Variants in LPP observed in about 807,000 individuals in gnomAD.
LPP encodes lipoma-preferred partner.
LPP carries 38 observed loss-of-function variants against 60.4 expected under a neutral mutation model. The ratio of observed to expected loss-of-function variants is 0.63; its 90% confidence interval spans 0.49 to 0.83. LPP has a LOEUF of 0.83. Ranked by LOEUF, LPP falls within the 40% of genes least tolerant of loss-of-function variation. The pLI is 0.00. For missense variants in LPP, 902 were observed against 783.6 expected (o/e 1.15, Z -1.80); for synonymous variants, 328 against 290.8 (o/e 1.13, Z -1.30).
At chr3:188,658,136 G>GATTA (rs370594954) in intron 7 of LPP, among the ~76,000 whole-genome samples, 1 of 151,468 alleles carries the variant, frequency 6.6e-6, no homozygotes, top group Non-Finnish European at 1.5e-5. Context: ...GTTTAGTTTA[G>GATTA]GTTAGTTTAG....
chr3:188,737,070 A>G lies in LPP; in HGVS notation c.1241-23043A>G, dbSNP rs924072958. Among the ~76,000 whole-genome samples the G allele has an allele frequency of 4.7e-4, 71 of 152,248 alleles. 1 individual carries two copies. The highest frequency in any genetic ancestry group is 1.2e-3 in the Admixed American group (19 of 15,292). On this transcript the variant is annotated intron_variant, in intron 8 of 11. Transcript: ENST00000617246. ...AAACACCTTAAAATATAAACGGAGT[A>G]CTTCCCAATAATCAGATTACATGTG...
intron 2 of LPP, among the ~76,000 whole-genome samples, chr3:188,261,618 A>G (rs928165344): frequency 6.6e-6 from 1 of 152,144 alleles, no homozygotes; most frequent in Non-Finnish European, 1.5e-5. Context: ...AGGAAAAACA[A>G]TTCTTGGGAC....
rs999038410 is a variant in LPP, at chr3:188,352,051, C to T, written c.-10+10332C>T. Among the ~76,000 whole-genome samples, 2 of 152,160 alleles carry T rather than the reference C, an allele frequency of 1.3e-5. No individual in the cohort carries two copies. Among genetic ancestry groups the T allele is most frequent in the Admixed American group, 6.5e-5 (1 of 15,280 alleles). ...ACCTCAACGTGTATTATTTCCTCCC[C>T]CCTTGTCATTTTTCTTCTATTACTT... On this transcript the variant is annotated intron_variant, in intron 3 of 11. Transcript: ENST00000617246. The surrounding 1 kb of genome is among the most constrained non-coding windows in gnomAD (Gnocchi z 4.4).
intron 6 of LPP, among the ~76,000 whole-genome samples, chr3:188,526,445 C>T (rs1820604659): frequency 6.6e-6 from 1 of 152,128 alleles, no homozygotes; most frequent in African/African-American, 2.4e-5. Context: ...GTGCCTGCCA[C>T]CACGCCCAGC....
chr3:188,349,989 G>A (rs1037440668), intron 3 of LPP, among the ~76,000 whole-genome samples: 7 of 152,174 alleles, frequency 4.6e-5, no homozygotes, highest in Non-Finnish European at 8.8e-5. Flanking sequence ...AGCTGGTCTA[G>A]TAAAAAGCTT....
Position 188,217,845 on chromosome 3 carries a change from A to G in LPP, c.-189-7560A>G, listed in dbSNP as rs1019196972. ...TGAGCTTTGGGCCAGTGCACAGAGG[A>G]TGGTGGCTTCCTGCCTTTGGCTTCC... On this transcript the variant is annotated intron_variant, in intron 1 of 11. Coordinates refer to ENST00000617246, the MANE Select transcript of LPP (RefSeq NM_001375462.1). This position sits in a 1 kb window ranked among gnomAD's most constrained non-coding sequence, Gnocchi z 4.0. Among the ~76,000 whole-genome samples the G allele has an allele frequency of 6.6e-6, 1 of 152,126 alleles. No individual in the cohort carries two copies. Among genetic ancestry groups the G allele is most frequent in the Non-Finnish European group, 1.5e-5 (1 of 68,016 alleles).
intron 9 of LPP, among the ~76,000 whole-genome samples, chr3:188,847,275 G>A (rs1485669284): frequency 6.6e-6 from 1 of 152,200 alleles, no homozygotes; most frequent in Non-Finnish European, 1.5e-5. Context: ...TGATGTTGCA[G>A]TTGTACTGTC....
In LPP at chr3:188,362,882, A is replaced by G. The variant is rs540976777; in HGVS notation, c.-10+21163A>G. Among the ~76,000 whole-genome samples the G allele has an allele frequency of 2.0e-5, 3 of 152,356 alleles. No individual in the cohort carries two copies. In the East Asian group the frequency reaches 5.8e-4, roughly 29 times the overall value. ...CCTTCCATTTTGATACTTTAAAATA[A>G]TGTAATCTAAGTTCACATCAACTGA... On this transcript the variant is annotated intron_variant, in intron 3 of 11. Coordinates refer to ENST00000617246, the MANE Select transcript of LPP (RefSeq NM_001375462.1).
chr3:188,355,285 G>A (rs1240501431), intron 3 of LPP, among the ~76,000 whole-genome samples: 1 of 152,148 alleles, frequency 6.6e-6, no homozygotes, highest in Admixed American at 6.5e-5. Flanking sequence ...GGGATTACAG[G>A]CGTGAGCCAC....
chr3:188,415,680 C>T (rs1217429833), intron 4 of LPP, among the ~76,000 whole-genome samples: 2 of 147,564 alleles, frequency 1.4e-5, no homozygotes, highest in South Asian at 2.1e-4. Flanking sequence ...AAAACTGTCT[C>T]GAAAGGTTAC....
intron 7 of LPP, among the ~76,000 whole-genome samples, chr3:188,700,105 G>A (rs1864088887): frequency 6.6e-6 from 1 of 152,102 alleles, no homozygotes; most frequent in African/African-American, 2.4e-5. Flanking sequence ...GGAACCTCTT[G>A]TACATCACTA....
At chr3:188,153,127 A>C (rs1715055199), upstream of LPP, 1 of 152,232 alleles carries the variant, frequency 6.6e-6, no homozygotes, top group Non-Finnish European at 1.5e-5. Context: ...AGCAGTAGAA[A>C]TCACTGGGTG....
intron 7 of LPP, among the ~76,000 whole-genome samples, chr3:188,656,396 C>T (rs1853222484): frequency 1.3e-5 from 2 of 152,082 alleles, no homozygotes; most frequent in South Asian, 2.1e-4. Context: ...TAAAGTTGAT[C>T]TTCAAAGCCG....
At chr3:188,384,410 G>A (rs753248764) in intron 3 of LPP, among the ~76,000 whole-genome samples, 74 of 151,872 alleles carry the variant, frequency 4.9e-4, no homozygotes, top group Non-Finnish European at 8.1e-4. Context: ...AATGGGGACA[G>A]AATCACTTAG....
Position 188,887,649 on chromosome 3 carries a change from C to T in LPP, c.*13170C>T. The T allele has an allele frequency of 9.4e-6, 2 of 212,704 alleles. No homozygotes were observed. The highest frequency in any genetic ancestry group is 1.9e-5 in the Non-Finnish European group (2 of 105,080). 13.2% of individuals were successfully genotyped at this position (212,704 alleles called of 1,614,324 possible). A position where few individuals can be genotyped will look rare whatever the true frequency, so the allele number is the denominator to read the frequency against. On this transcript the variant is annotated 3_prime_UTR_variant, in exon 12 of 12. Coordinates refer to ENST00000617246, the MANE Select transcript of LPP (RefSeq NM_001375462.1). ...CCAAAAATAGTTAAAGTGCCTTGGT[C>T]CTCCCTCTGTAGGCAGCAAATTGAA...
chr3:188,168,033 A>G (rs1368144040), intron 1 of LPP, among the ~76,000 whole-genome samples: 3 of 152,258 alleles, frequency 2.0e-5, no homozygotes, highest in African/African-American at 7.2e-5. Flanking sequence ...ATATTTAGAA[A>G]TAGTCTGGGC....
intron 7 of LPP, among the ~76,000 whole-genome samples, chr3:188,672,908 A>G (rs542064149): frequency 2.6e-5 from 4 of 151,788 alleles, no homozygotes; most frequent in Non-Finnish European, 5.9e-5. Context: ...TTTACTATCT[A>G]TAATTTAGTT....
chr3:188,617,763 A>G (rs1845130806), intron 7 of LPP, among the ~76,000 whole-genome samples: 2 of 152,224 alleles, frequency 1.3e-5, no homozygotes, highest in African/African-American at 4.8e-5. Context: ...TCAGCAAATC[A>G]TTTTAACAGG....
chr3:188,672,123 C>A (rs1009017303), intron 7 of LPP, among the ~76,000 whole-genome samples: 2 of 152,010 alleles, frequency 1.3e-5, no homozygotes, highest in Non-Finnish European at 2.9e-5. Flanking sequence ...GAACTGACTG[C>A]GTAAGAATTT....
Sources: gnomAD v4.1 joint callset for allele counts (sites outside exome capture counted in the v4.1 genomes callset) on GRCh38, gnomAD v4.1.1 for gene constraint, Gnocchi (gnomAD v3.1) non-coding constraint, MANE v1.5 for transcripts, NCBI Gene and HGNC (gene_info 2026-07-23, HGNC 2026-07-21) for gene names.